SPMIP7: variants seen among roughly 807,000 people sequenced by gnomAD.
SPMIP7 encodes sperm microtubule inner protein 7, also known as protein SPMIP7.
At chr7:50,147,396 C>G in the SPMIP7 span, among the ~76,000 whole-genome samples, 2 of 152,186 alleles carry the variant, frequency 1.3e-5, no homozygotes, top group African/African-American at 4.8e-5. Flanking sequence ...GATACTTAGA[C>G]TTTCTCTGTG....
At chr7:50,123,759 C>T in the SPMIP7 span, among the ~76,000 whole-genome samples, 1 of 150,838 alleles carries the variant, frequency 6.6e-6, no homozygotes, top group Non-Finnish European at 1.5e-5. Context: ...AGTTGGAATT[C>T]TAAAAAAGCA....
the SPMIP7 span, among the ~76,000 whole-genome samples, chr7:50,121,077 A>T: frequency 6.6e-6 from 1 of 152,190 alleles, no homozygotes; most frequent in Non-Finnish European, 1.5e-5. Flanking sequence ...CATCCTTTGT[A>T]CATCAAAAGA....
the SPMIP7 span, among the ~76,000 whole-genome samples, chr7:50,102,046 C>T: frequency 3.3e-5 from 5 of 152,274 alleles, no homozygotes; most frequent in Admixed American, 1.3e-4. Flanking sequence ...ATTTGCCGGG[C>T]GCAGCCGTGG....
At chr7:50,140,085 G>A in the SPMIP7 span, 1 of 1,143,858 alleles carries the variant, frequency 8.7e-7, no homozygotes, top group Admixed American at 3.2e-5. Flanking sequence ...GTAATAATTT[G>A]ATGTTTATTA....
the SPMIP7 span, among the ~76,000 whole-genome samples, chr7:50,102,053 G>A: frequency 2.0e-5 from 3 of 152,210 alleles, no homozygotes; most frequent in African/African-American, 4.8e-5. Context: ...GGGCGCAGCC[G>A]TGGCTCACGC....
the SPMIP7 span, among the ~76,000 whole-genome samples, chr7:50,156,303 GTGTC>G: frequency 0.03 from 4,581 of 152,090 alleles, 226 homozygotes; most frequent in African/African-American, 0.1. Flanking sequence ...TCTCTGATGA[GTGTC>G]ATGAGAACAT....
the SPMIP7 span, chr7:50,141,620 C>G: frequency 5.0e-6 from 2 of 401,418 alleles, no homozygotes; most frequent in East Asian, 4.0e-5. Context: ...GTTTCTTCAT[C>G]TGAAACTTGT....
chr7:50,097,578 C>T, the SPMIP7 span, among the ~76,000 whole-genome samples: 13 of 151,818 alleles, frequency 8.6e-5, no homozygotes, highest in East Asian at 7.7e-4. Flanking sequence ...AGTTGCTGTA[C>T]GACCCAGGGC....
At chr7:50,140,334 T>C in the SPMIP7 span, among the ~76,000 whole-genome samples, 1 of 152,128 alleles carries the variant, frequency 6.6e-6, no homozygotes, top group Non-Finnish European at 1.5e-5. Context: ...GCCTGTTTAA[T>C]GTCAGAAGTC....
the SPMIP7 span, among the ~76,000 whole-genome samples, chr7:50,139,549 G>A: frequency 2.0e-5 from 3 of 152,094 alleles, no homozygotes; most frequent in Admixed American, 2.0e-4. Flanking sequence ...AGCTCAGGGA[G>A]ATGATAATTT....
the SPMIP7 span, chr7:50,121,170 G>A: frequency 6.6e-6 from 1 of 152,168 alleles, no homozygotes; most frequent in Non-Finnish European, 1.5e-5. Flanking sequence ...AATTTATATA[G>A]AGATCAAACA....
At chr7:50,151,558 G>A in the SPMIP7 span, 2 of 1,538,668 alleles carry the variant, frequency 1.3e-6, no homozygotes, top group Non-Finnish European at 1.8e-6. Flanking sequence ...AACTGCACCG[G>A]TAAGTATGAA....
the SPMIP7 span, chr7:50,142,806 T>C: frequency 1.3e-5 from 2 of 152,232 alleles, no homozygotes; most frequent in African/African-American, 4.8e-5. Context: ...CATTAGACTT[T>C]ATGCCTTTCT....
chr7:50,125,505 C>T, the SPMIP7 span, among the ~76,000 whole-genome samples: 2 of 150,006 alleles, frequency 1.3e-5, no homozygotes, highest in Non-Finnish European at 3.0e-5. Flanking sequence ...AGGATAGATA[C>T]ACAAGAGAAA....
the SPMIP7 span, among the ~76,000 whole-genome samples, chr7:50,149,690 C>T: frequency 2.0e-5 from 3 of 152,110 alleles, no homozygotes; most frequent in African/African-American, 7.2e-5. Flanking sequence ...TCTGGGTGTC[C>T]TTGATTATAT....
At chr7:50,118,021 G>A in the SPMIP7 span, among the ~76,000 whole-genome samples, 1 of 152,142 alleles carries the variant, frequency 6.6e-6, no homozygotes, top group Non-Finnish European at 1.5e-5. Flanking sequence ...GAATTCCCTG[G>A]CAGATTTCTA....
At chr7:50,135,031 G>A in the SPMIP7 span, among the ~76,000 whole-genome samples, 1 of 152,090 alleles carries the variant, frequency 6.6e-6, no homozygotes, top group Non-Finnish European at 1.5e-5. Flanking sequence ...AGTGTACTCT[G>A]TCCTTTCTCT....
chr7:50,134,310 TA>T, the SPMIP7 span: 2 of 1,360,126 alleles, frequency 1.5e-6, no homozygotes, highest in Non-Finnish European at 2.0e-6. Context: ...TCTAAAACTT[TA>T]AGTCAAAATA....
At chr7:50,130,787 G>A in the SPMIP7 span, among the ~76,000 whole-genome samples, 1 of 151,910 alleles carries the variant, frequency 6.6e-6, no homozygotes, top group African/African-American at 2.4e-5. Context: ...GCAGAGATTT[G>A]GAGTGACTCT....
Sources: gnomAD v4.1 joint callset for allele counts (sites outside exome capture counted in the v4.1 genomes callset) on GRCh38, gnomAD v4.1.1 for gene constraint, MANE v1.5 for transcripts, NCBI Gene and HGNC (gene_info 2026-07-23, HGNC 2026-07-21) for gene names.